ERBB4: variants seen among roughly 807,000 people sequenced by gnomAD.
The protein encoded by ERBB4 is erb-b2 receptor tyrosine kinase 4, also known as receptor tyrosine-protein kinase erbB-4.
Under a neutral mutation model 158.0 loss-of-function variants are expected in ERBB4, and 42 were observed. That is an observed-to-expected ratio of 0.27 (90% CI 0.21 to 0.34). The LOEUF (loss-of-function observed/expected upper bound fraction) is 0.34. ERBB4 is among the 10% of genes least tolerant of loss of function. ERBB4 has a pLI of 1.00. For synonymous variants in ERBB4, 583 were observed against 558.7 expected (o/e 1.04, Z -0.61); for missense variants, 1,333 against 1,624.1 (o/e 0.82, Z 3.08).
chr2:211,688,378 G>C lies in ERBB4; in HGVS notation c.1490-9194C>G, dbSNP rs369401051. Among the ~76,000 whole-genome samples the C allele has an allele frequency of 1.4e-3, 212 of 152,204 alleles. 1 individual carries two copies. The highest frequency in any genetic ancestry group is 4.8e-3 in the African/African-American group (199 of 41,532). On this transcript the variant is annotated intron_variant, in intron 12 of 27. Transcript: ENST00000342788. ...TCTGTCTTCTCAACCTGGAGTTCTTGGGACTCTGCCTGGGATCTCCCTCAT... is the reference window on the plus strand; with the variant it reads ...TCTGTCTTCTCAACCTGGAGTTCTTCGGACTCTGCCTGGGATCTCCCTCAT...
chr2:211,931,093 C>T lies in ERBB4; in HGVS notation c.421+16337G>A, dbSNP rs1013438977. 2.0e-5 allele frequency among the ~76,000 whole-genome samples: 3 copies of T among 152,072 alleles called. No individual in the cohort carries two copies. The South Asian group carries it at 6.2e-4, about 31-fold the overall frequency. ...GAAGTCTTGTGTTAAAGGCTTGGCA[C>T]CACTGTTAAGCCTTGGCTTAAACGC... On this transcript the variant is annotated intron_variant, in intron 3 of 27. Coordinates refer to ENST00000342788, the MANE Select transcript of ERBB4 (RefSeq NM_005235.3).
intron 1 of ERBB4, among the ~76,000 whole-genome samples, chr2:212,331,056 T>TTATATATATATATATATA (rs1195085255): frequency 4.0e-5 from 1 of 25,270 alleles, no homozygotes; most frequent in Non-Finnish European, 1.9e-4. Context: ...TATTTGTAAT[T>TTATATATATATATATATA]TGTATATATA....
intron 26 of ERBB4, 111 bp from the exon 27 acceptor site, chr2:211,387,261 G>T: frequency 2.2e-6 from 2 of 930,062 alleles, no homozygotes; most frequent in Non-Finnish European, 1.8e-6. Flanking sequence ...AATAGTCATA[G>T]TATTTACTGG....
chr2:212,520,808 A>AC (rs1692116900), intron 1 of ERBB4, among the ~76,000 whole-genome samples: 1 of 151,988 alleles, frequency 6.6e-6, no homozygotes, highest in South Asian at 2.1e-4. Flanking sequence ...CGCCCTTGCC[A>AC]TTACTAATAT....
intron 1 of ERBB4, among the ~76,000 whole-genome samples, chr2:212,154,408 C>T (rs994248556): frequency 6.6e-6 from 1 of 151,914 alleles, no homozygotes; most frequent in African/African-American, 2.4e-5. Flanking sequence ...GGGGAGGTGT[C>T]CTTTGGAATA....
At chr2:211,983,662 A>G (rs2125236730) in intron 2 of ERBB4, among the ~76,000 whole-genome samples, 1 of 152,308 alleles carries the variant, frequency 6.6e-6, no homozygotes, top group Non-Finnish European at 1.5e-5. Flanking sequence ...GAAATAAAAG[A>G]AAACACTGAC....
At chr2:211,705,641 T>A (rs1188626081) in intron 9 of ERBB4, among the ~76,000 whole-genome samples, 1 of 150,430 alleles carries the variant, frequency 6.6e-6, no homozygotes, top group African/African-American at 2.4e-5. Context: ...CAGCTTCAAC[T>A]ATTCTGATGA....
intron 2 of ERBB4, among the ~76,000 whole-genome samples, chr2:212,063,940 T>A (rs1240462893): frequency 6.6e-6 from 1 of 152,162 alleles, no homozygotes; most frequent in Admixed American, 6.5e-5. Context: ...TTAAAGATCA[T>A]TCTGGTCCCC....
intron 20 of ERBB4, 152 bp from the exon 21 acceptor site, chr2:211,431,252 A>AT (rs531093565): frequency 0.01 from 7,227 of 688,616 alleles, 62 homozygotes; most frequent in Non-Finnish European, 0.014. Flanking sequence ...AGAAAACCTG[A>AT]TTTGGGGGAC....
intron 3 of ERBB4, among the ~76,000 whole-genome samples, chr2:211,861,707 G>T (rs2078060527): frequency 1.3e-5 from 2 of 152,052 alleles, no homozygotes; most frequent in South Asian, 2.1e-4. Context: ...AAAAATTACA[G>T]AAAATGTATT....
At chr2:211,629,235 A>T (rs2069997904) in intron 17 of ERBB4, among the ~76,000 whole-genome samples, 2 of 152,186 alleles carry the variant, frequency 1.3e-5, no homozygotes, top group East Asian at 3.9e-4. Context: ...AATCACAAGC[A>T]TTCTTATACA....
chr2:212,145,176 A>G (rs1021392916), intron 1 of ERBB4, among the ~76,000 whole-genome samples: 1 of 152,220 alleles, frequency 6.6e-6, no homozygotes, highest in Non-Finnish European at 1.5e-5. Context: ...TAAAACAAAA[A>G]AAATCCATTT....
At chr2:211,631,035 T>C (rs2070103375) in intron 16 of ERBB4, among the ~76,000 whole-genome samples, 1 of 152,154 alleles carries the variant, frequency 6.6e-6, no homozygotes, top group South Asian at 2.1e-4. Context: ...TTCACAACAG[T>C]GGCACTATTG....
intron 3 of ERBB4, among the ~76,000 whole-genome samples, chr2:211,933,889 G>A (rs116232247): frequency 0.035 from 5,317 of 151,978 alleles, 127 homozygotes; most frequent in Middle Eastern, 0.086. Flanking sequence ...AAATTTAAGT[G>A]TAGTGTATTC....
intron 1 of ERBB4, among the ~76,000 whole-genome samples, chr2:212,292,230 G>A (rs1312735659): frequency 6.6e-6 from 1 of 151,858 alleles, no homozygotes; most frequent in African/African-American, 2.4e-5. Context: ...TGTTTTTAAA[G>A]TATAATTTTA....
At position 212,046,181 on chromosome 2, in the gene ERBB4, A is replaced by C. The variant is rs557453123; in HGVS notation, c.234+78571T>G. Among the ~76,000 whole-genome samples, 5 of 152,340 alleles carry C rather than the reference A, an allele frequency of 3.3e-5. No homozygotes were observed. The South Asian group carries it at 8.3e-4, about 25-fold the overall frequency. ...GAACAGAAATATGCGAAATCTAAAA[A>C]TGGAGAGACCTAATTTTTTATGAGA... On this transcript the variant is annotated intron_variant, in intron 2 of 27. Coordinates refer to ENST00000342788, the MANE Select transcript of ERBB4 (RefSeq NM_005235.3).
rs555307348 is a variant in ERBB4 at position 211,810,121 on chromosome 2, A to G, written c.422-21962T>C. Among the ~76,000 whole-genome samples the G allele has an allele frequency of 4.9e-4, 75 of 152,294 alleles. 2 individuals carry two copies. The highest frequency in any genetic ancestry group is 1.7e-3 in the African/African-American group (71 of 41,558). Reference sequence around the variant, plus strand: ...TGCTTTACTTCCAACTATGTGGTCAATTTTGGAATAAGTGTGATGTGGTGC... The same window carrying G: ...TGCTTTACTTCCAACTATGTGGTCAGTTTTGGAATAAGTGTGATGTGGTGC... On this transcript the variant is annotated intron_variant, in intron 3 of 27. Coordinates refer to ENST00000342788, the MANE Select transcript of ERBB4 (RefSeq NM_005235.3).
At chr2:212,398,149 C>T (rs1167521513) in intron 1 of ERBB4, among the ~76,000 whole-genome samples, 1 of 151,006 alleles carries the variant, frequency 6.6e-6, no homozygotes, top group African/African-American at 2.4e-5. Flanking sequence ...TATATATACA[C>T]ACATATATAT....
chr2:212,327,860 A>G (rs1013965319), intron 1 of ERBB4, among the ~76,000 whole-genome samples: 1 of 26,198 alleles, frequency 3.8e-5, no homozygotes, highest in Admixed American at 2.9e-4. Flanking sequence ...ATTCCTCCAA[A>G]AAGTTATTTT....
Sources: gnomAD v4.1 joint callset for allele counts (sites outside exome capture counted in the v4.1 genomes callset) on GRCh38, gnomAD v4.1.1 for gene constraint, MANE v1.5 for transcripts, NCBI Gene and HGNC (gene_info 2026-07-23, HGNC 2026-07-21) for gene names.